The following RYR1 variants were observed in gnomAD, a reference collection of about 807,000 sequenced individuals.
RYR1 encodes the protein central core disease of muscle.
In RYR1, 342 loss-of-function variants were observed where a neutral mutation model predicts 583.5. That is an observed-to-expected ratio of 0.59 (90% CI 0.54 to 0.64). The LOEUF is 0.64. Among genes scored for constraint, RYR1 ranks in the 30% least tolerant of loss-of-function variants. The probability of loss-of-function intolerance (pLI) is 0.00; values close to 1 mark genes in which losing one functional copy is unlikely to be tolerated. For synonymous variants in RYR1, 2,791 were observed against 2,822.5 expected (o/e 0.99, Z 0.35); for missense variants, 6,032 against 6,917.2 (o/e 0.87, Z 4.54).
intron 89 of RYR1, among the ~76,000 whole-genome samples, chr19:38,556,260 A>T (rs1972874794): frequency 6.6e-6 from 1 of 151,898 alleles, no homozygotes; most frequent in African/African-American, 2.4e-5. Context: ...AGGCGGGAGG[A>T]TCACTTGAGG....
rs1434740832 is a variant in RYR1, at chr19:38,567,626, T to A, written c.13515-147T>A. The A allele has an allele frequency of 2.6e-6, 3 of 1,140,524 alleles. No individual in the cohort carries two copies. The East Asian group carries it at 7.6e-5, about 29-fold the overall frequency. 70.7% of individuals were successfully genotyped at this position (1,140,524 alleles called of 1,614,324 possible). A position where few individuals can be genotyped will look rare whatever the true frequency, so the allele number is the denominator to read the frequency against. On this transcript the variant is annotated intron_variant, in intron 92 of 105. Coordinates refer to ENST00000359596, the MANE Select transcript of RYR1 (RefSeq NM_000540.3). Reference sequence around the variant, plus strand: ...TGGACTGGAGCCCCATAAGGGCAAGTCCTGATTATCTCATCATCCCATGTA... The same window carrying A: ...TGGACTGGAGCCCCATAAGGGCAAGACCTGATTATCTCATCATCCCATGTA...
intron 2 of RYR1, among the ~76,000 whole-genome samples, chr19:38,441,095 G>A (rs952774043): frequency 1.3e-5 from 2 of 151,830 alleles, no homozygotes; most frequent in Non-Finnish European, 1.5e-5. Flanking sequence ...GCACAGAAGT[G>A]TGGTAGGCCA....
rs8101510 is a variant in RYR1 at position 38,448,705 on chromosome 19, C to A, written c.1014C>A (p.Ile338=). Residue 338 remains isoleucine (I), a synonymous_variant, in exon 11 of 106, where the codon ATC becomes ATA. Coordinates refer to ENST00000359596, the MANE Select transcript of RYR1 (RefSeq NM_000540.3). ...RDVEGMGPPE[I]KYGESLCFVQ... ...TGGAGGGCATGGGCCCCCCTGAGAT[C>A]AAGTACGGGGAGTCACTGTGCTTCG... The A allele has an allele frequency of 3.2e-5, 51 of 1,614,128 alleles. No individual in the cohort carries two copies. The highest frequency in any genetic ancestry group is 4.2e-5 in the Non-Finnish European group (50 of 1,180,046).
At position 38,485,931 on chromosome 19, in the gene RYR1, G is replaced by A. The variant is rs765080138; in HGVS notation, c.5276G>A (p.Arg1759Gln). The change falls in exon 34 of 106, where the codon CGG (arginine) becomes CAG (glutamine). Residue 1759 changes from arginine to glutamine, a missense_variant. Arg to Gln is a conservative substitution (Grantham distance 43). This residue lies in a region of RYR1 where 2,627 missense variants were observed against 2,961.3 expected (regional missense o/e 0.89). Transcript: ENST00000359596. ...PGRSTENGHPRHGLPGVGVTT... is the reference protein window; with the variant it reads ...PGRSTENGHPQHGLPGVGVTT... Reference sequence around the variant, plus strand: ...AGGAGCACAGAAAATGGTCACCCCCGGCATGGCCTGCCGGGAGTTGGAGTC... The same window carrying A: ...AGGAGCACAGAAAATGGTCACCCCCAGCATGGCCTGCCGGGAGTTGGAGTC... 14 of 1,613,582 alleles carry A rather than the reference G, an allele frequency of 8.7e-6. No homozygotes were observed. The highest frequency in any genetic ancestry group is 9.3e-6 in the Non-Finnish European group (11 of 1,179,986).
At chr19:38,489,672 A>C (rs1969464293) in intron 35 of RYR1, among the ~76,000 whole-genome samples, 1 of 152,216 alleles carries the variant, frequency 6.6e-6, no homozygotes, top group African/African-American at 2.4e-5. Flanking sequence ...TCTGTCACCC[A>C]GGCTGGAATA....
At position 38,448,840 on chromosome 19, in the gene RYR1, G is replaced by T. The variant is rs1044146023; in HGVS notation, c.1122+27G>T. 1.9e-6 allele frequency: 3 copies of T among 1,607,756 alleles called. No homozygotes were observed. The African/African-American group carries it at 4.0e-5, about 21-fold the overall frequency. On this transcript the variant is annotated intron_variant, in intron 11 of 105. Coordinates refer to ENST00000359596, the MANE Select transcript of RYR1 (RefSeq NM_000540.3). ...TGGGTGTAATCCCAGCTACTCAGGA[G>T]GCTGAGGTGGGAGAATCGCTTGAGT...
At position 38,464,659 on chromosome 19, in the gene RYR1, G is replaced by A; in HGVS notation, c.2807G>A (p.Cys936Tyr). Residue 936 changes from cysteine to tyrosine, a missense_variant, in exon 23 of 106, where the codon TGC becomes TAC. Around this residue, in one of 11 missense-constraint regions of RYR1, gnomAD observed 2,627 missense variants for 2,961.3 expected, o/e 0.89. Coordinates refer to ENST00000359596, the MANE Select transcript of RYR1 (RefSeq NM_000540.3). ...ETLKTLLALG[C>Y]HVGMADEKAE... ...CCCAGGACTCTGCTGGCTCTGGGCTGCCACGTGGGCATGGCGGATGAGAAG... is the reference window on the plus strand; with the variant it reads ...CCCAGGACTCTGCTGGCTCTGGGCTACCACGTGGGCATGGCGGATGAGAAG... 6.3e-7 allele frequency: 1 copy of A among 1,590,756 alleles called. No homozygotes were observed.
intron 31 of RYR1, among the ~76,000 whole-genome samples, chr19:38,481,814 G>A (rs1416107477): frequency 2.0e-5 from 3 of 151,978 alleles, no homozygotes; most frequent in Non-Finnish European, 2.9e-5. Flanking sequence ...TGGGCCGGGC[G>A]TGGTGGCTCA....
Position 38,496,569 on chromosome 19 carries a change from C to A in RYR1, c.6796+28C>A, listed in dbSNP as rs374239396. On this transcript the variant is annotated intron_variant, in intron 41 of 105. Coordinates refer to ENST00000359596, the MANE Select transcript of RYR1 (RefSeq NM_000540.3). The surrounding 1 kb of genome is among the most constrained non-coding windows in gnomAD (Gnocchi z 4.8). ...GAGAACCCCCGAGCCCAGGGGCTGT[C>A]CCCCAGAACCCACTCCTGGCACCCC... 16 of 1,612,460 alleles carry A rather than the reference C, an allele frequency of 9.9e-6. No individual in the cohort carries two copies. The East Asian group carries it at 2.0e-4, about 20-fold the overall frequency.
Position 38,455,733 on chromosome 19 carries a change from G to A in RYR1, c.1773G>A (p.Lys591=), listed in dbSNP as rs547398984. The A allele has an allele frequency of 1.9e-6, 3 of 1,610,940 alleles. No individual in the cohort carries two copies. Among genetic ancestry groups the A allele is most frequent in the South Asian group, 1.1e-5 (1 of 91,000 alleles). ...HIKSIISLLD[K]HGRNHKVLDV... ...AGTCCATCATCTCCCTCCTGGACAAGCATGGGAGGAACCACAAGGTCGGCC... is the reference window on the plus strand; with the variant it reads ...AGTCCATCATCTCCCTCCTGGACAAACATGGGAGGAACCACAAGGTCGGCC... The change falls in exon 16 of 106, where the codon AAG becomes AAA. Residue 591 remains lysine, a synonymous_variant. Coordinates refer to ENST00000359596, the MANE Select transcript of RYR1 (RefSeq NM_000540.3).
In RYR1 at chr19:38,473,468, T is replaced by C; in HGVS notation, c.3857T>C (p.Leu1286Pro). 6.2e-7 allele frequency: 1 copy of C among 1,613,836 alleles called. No homozygotes were observed. Among genetic ancestry groups the C allele is most frequent in the East Asian group, 2.2e-5 (1 of 44,846 alleles). Residue 1286 changes from leucine to proline, a missense_variant, in exon 28 of 106, where the codon CTT (leucine) becomes CCT (proline). Physicochemically the swap from Leu to Pro is moderately conservative, Grantham distance 98 (BLOSUM62 -3). This residue lies in a region of RYR1 where 2,627 missense variants were observed against 2,961.3 expected (regional missense o/e 0.89). Coordinates refer to ENST00000359596, the MANE Select transcript of RYR1 (RefSeq NM_000540.3). ...WGSQNSLVEM[L>P]FLRLSLPVQF... ...TCCCAGAACAGCCTGGTGGAGATGC[T>C]TTTCCTGCGGCTGAGCCTCCCAGTC...
At chr19:38,471,087 C>T (rs1402585729) in intron 27 of RYR1, among the ~76,000 whole-genome samples, 1 of 152,242 alleles carries the variant, frequency 6.6e-6, no homozygotes, top group Non-Finnish European at 1.5e-5. Flanking sequence ...TGTGGGATTC[C>T]ATTCACAGAA....
At position 38,523,929 on chromosome 19, in the gene RYR1, G is replaced by A; in HGVS notation, c.10455G>A (p.Gln3485=). The change falls in exon 70 of 106, where the codon CAG becomes CAA. Residue 3485 remains glutamine, a splice_region_variant and synonymous_variant. Transcript: ENST00000359596. ...CGGTGAAGCAGGCGGGAGATATACA[G>A]GTCAGCCCCACATCTGGGACCTTCC... ...KSKMAKAGDI[Q]SGGSDQERTK... is the part of the protein sequence containing the mutation. 2 of 1,613,938 alleles carry A rather than the reference G, an allele frequency of 1.2e-6. No individual in the cohort carries two copies. The highest frequency in any genetic ancestry group is 1.1e-5 in the South Asian group (1 of 91,064).
In RYR1 at chr19:38,516,148, C is replaced by G. The variant is rs191357389; in HGVS notation, c.9616C>G (p.Leu3206Val). The G allele has an allele frequency of 6.4e-7, 1 of 1,554,522 alleles. No homozygotes were observed. The highest frequency in any genetic ancestry group is 1.4e-5 in the African/African-American group (1 of 73,428). ...RLAAAMPVAFLEPQLNEYNAC... is the reference protein window; with the variant it reads ...RLAAAMPVAFVEPQLNEYNAC... ...GGCAGCAGCCATGCCGGTGGCGTTC[C>G]TGGAGCCGCAGCTGAACGAGTACAA... The change falls in exon 65 of 106, where the codon CTG becomes GTG. Residue 3206 changes from leucine to valine, a missense_variant. Leu to Val is a conservative substitution (Grantham distance 32). Around this residue, in one of 11 missense-constraint regions of RYR1, gnomAD observed 1,493 missense variants for 1,715.5 expected, o/e 0.87. Transcript: ENST00000359596.
At chr19:38,503,842 G>A (rs545795017) in intron 49 of RYR1, among the ~76,000 whole-genome samples, 1 of 152,066 alleles carries the variant, frequency 6.6e-6, no homozygotes, top group South Asian at 2.1e-4. Flanking sequence ...ATTTGCATGG[G>A]GTGCAGCCTT....
Position 38,510,789 on chromosome 19 carries a change from GC to G in RYR1, c.9122+10del. On this transcript the variant is annotated intron_variant, in intron 60 of 105. Transcript: ENST00000359596. ...GAAGGAAATGATCACCAGGTGGGCC[GC>G]CTGTGACCCTGGACCCAGCCCCCTG... 6.2e-7 allele frequency: 1 copy of G among 1,614,088 alleles called. No homozygotes were observed. The highest frequency in any genetic ancestry group is 8.5e-7 in the Non-Finnish European group (1 of 1,180,048).
Position 38,455,534 on chromosome 19 carries a change from G to A in RYR1, c.1660G>A (p.Glu554Lys), listed in dbSNP as rs1265235470. 6.2e-7 allele frequency: 1 copy of A among 1,614,084 alleles called. No individual in the cohort carries two copies. Reference protein sequence around the residue: ...DWLVSKLDRLEASSGILEVLY... With the variant: ...DWLVSKLDRLKASSGILEVLY... ...GCTGGTCAGCAAGCTGGATCGGCTGGAGGCCTCGTCTGGTAGGAGAACCCG... is the reference window on the plus strand; with the variant it reads ...GCTGGTCAGCAAGCTGGATCGGCTGAAGGCCTCGTCTGGTAGGAGAACCCG... Residue 554 changes from glutamate (E) to lysine (K), a missense_variant, in exon 15 of 106, where the codon GAG becomes AAG. Glu to Lys is a moderately conservative substitution (Grantham distance 56). Transcript: ENST00000359596.
At chr19:38,558,243 C>T (rs1160301714) in intron 89 of RYR1, among the ~76,000 whole-genome samples, 2 of 151,906 alleles carry the variant, frequency 1.3e-5, no homozygotes, top group Non-Finnish European at 2.9e-5. Flanking sequence ...CCCAGGAGGT[C>T]GAGGCTATGG....
chr19:38,519,140 G>T, intron 66 of RYR1, 74 bp from the exon 67 acceptor site: 2 of 1,611,500 alleles, frequency 1.2e-6, no homozygotes, highest in Non-Finnish European at 1.7e-6. Context: ...CTGTTTGGGA[G>T]TCGGGCTGGG....
Sources: allele counts gnomAD v4.1 joint callset (sites outside exome capture counted in the v4.1 genomes callset), GRCh38; gene constraint gnomAD v4.1.1; regional missense constraint gnomAD v4.1.1; non-coding constraint Gnocchi (gnomAD v3.1); transcripts MANE v1.5; gene names NCBI Gene and HGNC (gene_info 2026-07-23, HGNC 2026-07-21).